The following FIG4 variants were observed in gnomAD, a reference collection of about 807,000 sequenced individuals.
FIG4 encodes the protein FIG4 phosphoinositide 5-phosphatase.
FIG4 carries 112 observed loss-of-function variants against 118.6 expected under a neutral mutation model. That is an observed-to-expected ratio of 0.94 (90% CI 0.81 to 1.11). The LOEUF is 1.11. FIG4 is among the 50% of genes least tolerant of loss of function. FIG4 has a pLI of 0.00. For synonymous variants in FIG4, 369 were observed against 381.2 expected (o/e 0.97, Z 0.37); for missense variants, 969 against 1,111.7 (o/e 0.87, Z 1.83).
intron 10 of FIG4, among the ~76,000 whole-genome samples, chr6:109,755,963 A>G (rs1776880520): frequency 6.6e-6 from 1 of 152,144 alleles, no homozygotes. Flanking sequence ...TTATGTGTGA[A>G]TTTGATCCTG....
chr6:109,776,992 C>G lies in FIG4; in HGVS notation c.1821C>G (p.Leu607=). ...VFHPTEGKPH[L]WELPTDFYLH... is the part of the protein sequence containing the mutation. ...ATCCCACTGAAGGGAAACCTCATCT[C>G]TGGGAGCTCCCAACAGATTTTTATT... The change falls in exon 16 of 23, where the codon CTC becomes CTG. Residue 607 remains leucine, a synonymous_variant. Coordinates refer to ENST00000230124, the MANE Select transcript of FIG4 (RefSeq NM_014845.6). The G allele has an allele frequency of 6.2e-7, 1 of 1,613,140 alleles. No individual in the cohort carries two copies. Among genetic ancestry groups the G allele is most frequent in the South Asian group, 1.1e-5 (1 of 91,056 alleles).
At chr6:109,770,579 G>A (rs1777428188) in intron 15 of FIG4, among the ~76,000 whole-genome samples, 1 of 152,070 alleles carries the variant, frequency 6.6e-6, no homozygotes, top group African/African-American at 2.4e-5. Flanking sequence ...CCATGATTTT[G>A]CAGGTTGTAC....
At chr6:109,729,508 A>G (rs1010306394) in intron 4 of FIG4, among the ~76,000 whole-genome samples, 3 of 152,210 alleles carry the variant, frequency 2.0e-5, no homozygotes, top group Non-Finnish European at 4.4e-5. Context: ...ATAAGGCATA[A>G]AGCTTGAAAA....
At chr6:109,785,693 G>A (rs990793349) in intron 17 of FIG4, 3 of 470,682 alleles carry the variant, frequency 6.4e-6, no homozygotes, top group Non-Finnish European at 4.4e-6. Flanking sequence ...GATCTCCTGC[G>A]AATCTGGAAT....
intron 10 of FIG4, among the ~76,000 whole-genome samples, chr6:109,752,585 A>G (rs1238917444): frequency 2.0e-5 from 3 of 152,170 alleles, no homozygotes; most frequent in East Asian, 3.8e-4. Context: ...TTCTCTGATG[A>G]CCAGTGATGA....
intron 20 of FIG4, among the ~76,000 whole-genome samples, chr6:109,792,338 A>G (rs1778158691): frequency 6.6e-6 from 1 of 152,260 alleles, no homozygotes; most frequent in Admixed American, 6.5e-5. Flanking sequence ...CAACTCCTGC[A>G]TTATACAAAA....
At chr6:109,715,557 A>G (rs907655573) in intron 2 of FIG4, among the ~76,000 whole-genome samples, 1 of 152,154 alleles carries the variant, frequency 6.6e-6, no homozygotes, top group African/African-American at 2.4e-5. Flanking sequence ...GAGGACTTCT[A>G]TGCTACAGAC....
chr6:109,757,719 A>T (rs950683420), intron 10 of FIG4, among the ~76,000 whole-genome samples: 2 of 152,102 alleles, frequency 1.3e-5, no homozygotes, highest in Non-Finnish European at 2.9e-5. Flanking sequence ...AAACCCCATC[A>T]TCTCAGCCCA....
intron 22 of FIG4, among the ~76,000 whole-genome samples, chr6:109,822,787 GTATATATATATATATA>G (rs10523453): frequency 0.019 from 2,262 of 120,368 alleles, 47 homozygotes; most frequent in African/African-American, 0.037. Flanking sequence ...GTGTGTGTAT[GTATATATATATATATA>G]TATATATATA....
At chr6:109,758,180 A>G (rs1007186157) in intron 10 of FIG4, among the ~76,000 whole-genome samples, 1 of 152,266 alleles carries the variant, frequency 6.6e-6, no homozygotes, top group African/African-American at 2.4e-5. Context: ...ACAAAGCTGT[A>G]GGCATCATGC....
At chr6:109,764,945 T>C in intron 13 of FIG4, 68 bp from the exon 14 acceptor site, 1 of 1,423,780 alleles carries the variant, frequency 7.0e-7, no homozygotes, top group East Asian at 2.3e-5. Flanking sequence ...CTTAAAGAAA[T>C]CTAAAGTAGT....
chr6:109,783,800 A>G (rs959425986), intron 16 of FIG4, among the ~76,000 whole-genome samples: 13 of 152,246 alleles, frequency 8.5e-5, no homozygotes, highest in African/African-American at 3.1e-4. Flanking sequence ...CCTTTTAACA[A>G]GATCCCAAAG....
intron 16 of FIG4, among the ~76,000 whole-genome samples, chr6:109,780,219 T>C (rs1268523598): frequency 6.6e-6 from 1 of 152,218 alleles, no homozygotes; most frequent in Non-Finnish European, 1.5e-5. Flanking sequence ...ATTGTTACTG[T>C]CTTTGTTTTT....
At chr6:109,824,119 C>A (rs1460308730) in intron 22 of FIG4, among the ~76,000 whole-genome samples, 3 of 152,188 alleles carry the variant, frequency 2.0e-5, no homozygotes, top group Non-Finnish European at 4.4e-5. Context: ...GGAGACAGTG[C>A]CTTCCCCACG....
chr6:109,708,797 G>C (rs1583634336), intron 1 of FIG4, among the ~76,000 whole-genome samples: 1 of 151,788 alleles, frequency 6.6e-6, no homozygotes, highest in South Asian at 2.1e-4. Flanking sequence ...CATGTCCTTT[G>C]CCCATTTTTT....
chr6:109,735,254 T>TCAAAGA lies in FIG4; in HGVS notation c.602_603insCAAAGA (p.Phe201_Asp202insLysAsp), dbSNP rs774809231. Reference sequence around the variant, plus strand: ...ATGACCCAGAATCGCCAAGAGAGCTTTGACATCTTTGAAGATGAAGGATTA... The same window carrying TCAAAGA: ...ATGACCCAGAATCGCCAAGAGAGCTTCAAAGATGACATCTTTGAAGATGAAGGATTA... On this transcript the variant is annotated inframe_insertion, in exon 6 of 23. Transcript: ENST00000230124. 6.2e-6 allele frequency: 10 copies of TCAAAGA among 1,613,462 alleles called. No individual in the cohort carries two copies. In the East Asian group the frequency reaches 2.2e-4, roughly 36 times the overall value.
intron 1 of FIG4, among the ~76,000 whole-genome samples, chr6:109,695,680 C>G (rs182375357): frequency 2.7e-4 from 41 of 152,170 alleles, no homozygotes; most frequent in African/African-American, 9.9e-4. Context: ...TGGACCACTG[C>G]CACCTGTTGG....
intron 3 of FIG4, among the ~76,000 whole-genome samples, chr6:109,726,021 T>G (rs189276671): frequency 6.6e-6 from 1 of 152,328 alleles, no homozygotes; most frequent in East Asian, 1.9e-4. Context: ...ATGGATAGAT[T>G]GCAACAATCT....
At chr6:109,790,479 C>G (rs573851541) in intron 19 of FIG4, among the ~76,000 whole-genome samples, 39 of 152,268 alleles carry the variant, frequency 2.6e-4, no homozygotes, top group Admixed American at 2.3e-3. Flanking sequence ...ATTCCCAGAA[C>G]AAATAAGTAA....
Sources: gnomAD v4.1 joint callset for allele counts (sites outside exome capture counted in the v4.1 genomes callset) on GRCh38, gnomAD v4.1.1 for gene constraint, MANE v1.5 for transcripts, NCBI Gene and HGNC (gene_info 2026-07-23, HGNC 2026-07-21) for gene names.